TRIML2: variants seen among roughly 807,000 people sequenced by gnomAD.
The protein encoded by TRIML2 is probable E3 ubiquitin-protein ligase TRIML2.
A neutral mutation model predicts 31.2 loss-of-function variants in TRIML2; 28 were observed. The ratio of observed to expected loss-of-function variants is 0.90; its 90% CI spans 0.66 to 1.23. The LOEUF is 1.23. TRIML2 is among the 50% of genes most tolerant of loss of function. The probability of loss-of-function intolerance (pLI) is 0.00; values close to 1 mark genes in which losing one functional copy is unlikely to be tolerated. For missense variants in TRIML2, 536 were observed against 528.3 expected, an observed-to-expected ratio of 1.01 and a Z score of -0.14; for synonymous variants, 187 against 197.5, an observed-to-expected ratio of 0.95 and a Z score of 0.45.
At chr4:188,094,585 T>C (rs1018279092) in intron 7 of TRIML2, among the ~76,000 whole-genome samples, 1 of 152,188 alleles carries the variant, frequency 6.6e-6, no homozygotes, top group African/African-American at 2.4e-5. Context: ...TCCAAATACA[T>C]ATAACATTTT....
intron 3 of TRIML2, among the ~76,000 whole-genome samples, chr4:188,102,296 C>T (rs12499736): frequency 0.22 from 33,331 of 151,576 alleles, 4,691 homozygotes; most frequent in East Asian, 0.65. Context: ...ACGAAAGACA[C>T]CAAAAATTTT....
rs937617064 is a variant in TRIML2, at chr4:188,099,614, G to C, written c.481-439C>G. Among the ~76,000 whole-genome samples the C allele has an allele frequency of 2.7e-5, 4 of 150,052 alleles. No individual in the cohort carries two copies. The Admixed American group carries it at 2.7e-4, about 10-fold the overall frequency. Reference sequence around the variant, plus strand: ...AAAAAAAAAAAAACCCTGCTTTTCTGCCTGCTACCCCAGGAACAGACATAA... The same window carrying C: ...AAAAAAAAAAAAACCCTGCTTTTCTCCCTGCTACCCCAGGAACAGACATAA... On this transcript the variant is annotated intron_variant, in intron 4 of 7. Transcript: ENST00000682553.
chr4:188,105,693 C>T (rs1733997592), intron 1 of TRIML2, 103 bp from the exon 2 acceptor site: 1 of 238,650 alleles, frequency 4.2e-6, no homozygotes, highest in Non-Finnish European at 8.2e-6. Flanking sequence ...TTACAAGGAA[C>T]AGCACTCACT....
In TRIML2 at chr4:188,091,434, C is replaced by T. The variant is rs1370293606; in HGVS notation, c.1253G>A (p.Ser418Asn). The T allele has an allele frequency of 5.0e-6, 8 of 1,614,042 alleles. No homozygotes were observed. The highest frequency in any genetic ancestry group is 6.8e-6 in the Non-Finnish European group (8 of 1,180,054). ...FSLCIPNGDT[S>N]PDSLTILQHG... is the part of the protein sequence containing the mutation. ...TTGTAAGATGGTGAGGGAGTCTGGA[C>T]TTGTGTCTCCATTTGGGATACAGAG... The change falls in exon 8 of 8, where the codon AGT (serine) becomes AAT (asparagine). Residue 418 changes from serine (S) to asparagine (N), a missense_variant. By Grantham distance (46) the Ser-to-Asn change is conservative. Coordinates refer to ENST00000682553, the MANE Select transcript of TRIML2 (RefSeq NM_173553.4).
At position 188,099,069 on chromosome 4, in the gene TRIML2, T is replaced by G. The variant is rs151211233; in HGVS notation, c.587A>C (p.Lys196Thr). The change falls in exon 5 of 8, where the codon AAA (lysine) becomes ACA (threonine). Residue 196 changes from lysine (K) to threonine (T), a missense_variant. Lys to Thr is a moderately conservative substitution (Grantham distance 78). Transcript: ENST00000682553. Reference protein sequence around the residue: ...SLLKLIVELEKKCGEGTLALL... With the variant: ...SLLKLIVELETKCGEGTLALL... ...TGCCAAGGTGCCTTCCCCACACTTT[T>G]TCTCAAGCTCCACGATGAGCTTTAG... 4.4e-4 allele frequency: 712 copies of G among 1,614,172 alleles called. 5 individuals are homozygous for G. The African/African-American group carries it at 8.8e-3, about 20-fold the overall frequency.
intron 7 of TRIML2, among the ~76,000 whole-genome samples, chr4:188,092,348 G>A (rs1733303605): frequency 1.3e-5 from 2 of 152,028 alleles, no homozygotes; most frequent in Non-Finnish European, 2.9e-5. Context: ...TGTAATCCCA[G>A]CTACTCATGA....
chr4:188,091,351 C>T lies in TRIML2; in HGVS notation c.*22G>A, dbSNP rs1733240603. ...CTCCAACTTTCTGGTGTCTCGTGGT[C>T]TTGGATTTTACACACAGAAGATTAA... On this transcript the variant is annotated 3_prime_UTR_variant, in exon 8 of 8. Transcript: ENST00000682553. The T allele has an allele frequency of 9.4e-6, 15 of 1,595,606 alleles. No homozygotes were observed. The highest frequency in any genetic ancestry group is 1.3e-5 in the Non-Finnish European group (15 of 1,168,102).
At chr4:188,096,528 CAAAAAAAAAAA>C (rs10607852) in intron 7 of TRIML2, among the ~76,000 whole-genome samples, 15 of 39,288 alleles carry the variant, frequency 3.8e-4, no homozygotes, top group East Asian at 9.7e-4. Context: ...AACTCTGTCT[CAAAAAAAAAAA>C]AAAAAAAAAA....
intron 2 of TRIML2, 96 bp from the exon 3 acceptor site, chr4:188,105,028 T>C: frequency 7.1e-7 from 1 of 1,408,626 alleles, no homozygotes; most frequent in Admixed American, 1.8e-5. Context: ...ATATATTTTC[T>C]TAGCCTTTAG....
chr4:188,097,896 C>T (rs961895595), intron 5 of TRIML2, among the ~76,000 whole-genome samples: 7 of 152,044 alleles, frequency 4.6e-5, no homozygotes, highest in South Asian at 2.1e-4. Flanking sequence ...CCAAGGTGGG[C>T]GTATAACCTG....
rs11736108 is a variant in TRIML2 at position 188,099,139 on chromosome 4, G to A, written c.517C>T (p.Leu173=). ...GRVGRENMEK[L]KESEARASEQ... ...GAAGCCCTGGCTTCACTCTCCTTCA[G>A]TTTCTCCATGTTCTCTCTCCCCACA... Residue 173 remains leucine, a synonymous_variant, in exon 5 of 8, where the codon CTG becomes TTG. Coordinates refer to ENST00000682553, the MANE Select transcript of TRIML2 (RefSeq NM_173553.4). 0.047 allele frequency: 76,083 copies of A among 1,612,734 alleles called. 2,220 individuals are homozygous for A. The highest frequency in any genetic ancestry group is 0.058 in the Non-Finnish European group (68,030 of 1,179,284).
intron 3 of TRIML2, among the ~76,000 whole-genome samples, chr4:188,103,582 C>T (rs1733898529): frequency 6.6e-6 from 1 of 152,120 alleles, no homozygotes; most frequent in East Asian, 1.9e-4. Context: ...AATCCCCCAC[C>T]TCCTTCAGTG....
rs942993854 is a variant in TRIML2, at chr4:188,105,484, C to T, written c.-116G>A. 5 of 706,026 alleles carry T rather than the reference C, an allele frequency of 7.1e-6. No individual in the cohort carries two copies. Among genetic ancestry groups the T allele is most frequent in the Non-Finnish European group, 1.1e-5 (5 of 459,662 alleles). The allele number at this position is 706,026 out of a possible 1,614,324, so 43.7% of individuals were successfully genotyped here. A position where few individuals can be genotyped will look rare whatever the true frequency, so the allele number is the denominator to read the frequency against. ...TTGTTTTCTGGAGCAGGCACACACA[C>T]TTGGCAACTTCAGAGTCCACGAAGA... On this transcript the variant is annotated 5_prime_UTR_variant, in exon 2 of 8. It adds an upstream start codon to the 5' untranslated region. Coordinates refer to ENST00000682553, the MANE Select transcript of TRIML2 (RefSeq NM_173553.4).
At position 188,104,861 on chromosome 4, in the gene TRIML2, C is replaced by A; in HGVS notation, c.261G>T (p.Glu87Asp). Residue 87 changes from glutamate to aspartate, a missense_variant, in exon 3 of 8, where the codon GAG becomes GAT. Physicochemically the swap from Glu to Asp is conservative, Grantham distance 45 (BLOSUM62 2). Transcript: ENST00000682553. ...LEAAKSILTD[E>D]QERMAMIQEE... ...CCTGAATCATCGCCATTCTTTCTTG[C>A]TCATCAGTCAATATGCTTTTAGCTG... 1.2e-6 allele frequency: 2 copies of A among 1,613,996 alleles called. No individual in the cohort carries two copies. Among genetic ancestry groups the A allele is most frequent in the South Asian group, 2.2e-5 (2 of 91,074 alleles).
chr4:188,108,857 AT>A (rs1734138515), intron 1 of TRIML2, among the ~76,000 whole-genome samples: 2 of 152,136 alleles, frequency 1.3e-5, no homozygotes, highest in African/African-American at 4.8e-5. Flanking sequence ...TAGCGAAAAG[AT>A]TTTATCTTTC....
intron 5 of TRIML2, 102 bp from the exon 6 acceptor site, chr4:188,097,448 T>A: frequency 9.1e-7 from 1 of 1,097,678 alleles, no homozygotes. Flanking sequence ...AATTTCCATG[T>A]CATTTCTTCA....
At chr4:188,107,986 CAA>C (rs1734110925) in intron 1 of TRIML2, among the ~76,000 whole-genome samples, 2 of 152,140 alleles carry the variant, frequency 1.3e-5, no homozygotes, top group African/African-American at 4.8e-5. Context: ...GTCACCAAAA[CAA>C]AGAAATTCAC....
intron 7 of TRIML2, among the ~76,000 whole-genome samples, chr4:188,095,002 C>A (rs147377730): frequency 6.6e-6 from 1 of 152,066 alleles, no homozygotes; most frequent in Non-Finnish European, 1.5e-5. Context: ...AACAAAGGGG[C>A]CAAGTAAATT....
chr4:188,092,638 C>T (rs932649432), intron 7 of TRIML2: 8 of 360,664 alleles, frequency 2.2e-5, no homozygotes, highest in African/African-American at 1.5e-4. Flanking sequence ...GTGGCCCTCC[C>T]GATGCCGTAC....
Sources: gnomAD v4.1 joint callset for allele counts (sites outside exome capture counted in the v4.1 genomes callset) on GRCh38, gnomAD v4.1.1 for gene constraint, MANE v1.5 for transcripts, NCBI Gene and HGNC (gene_info 2026-07-23, HGNC 2026-07-21) for gene names.